NCAPH2: variants seen among roughly 807,000 people sequenced by gnomAD.
The protein encoded by NCAPH2 is non-SMC condensin II complex subunit H2.
Under a neutral mutation model 88.6 loss-of-function variants are expected in NCAPH2, and 56 were observed. That is an observed-to-expected ratio of 0.63 (90% CI 0.51 to 0.79). NCAPH2 has a LOEUF of 0.79. Among genes scored for constraint, NCAPH2 ranks in the 30% least tolerant of loss-of-function variants. The pLI is 0.00. For missense variants in NCAPH2, 794 were observed against 792.0 expected (o/e 1.00, Z -0.03); for synonymous variants, 378 against 313.6 (o/e 1.21, Z -2.17).
Position 50,517,878 on chromosome 22 carries a change from G to A in NCAPH2, c.420+69G>A, listed in dbSNP as rs1012913587. ...ACTTTCCCTGGGGCTGTGTTGAGCT[G>A]ATGGGGTGTGGGAAGGTGTCATTGC... On this transcript the variant is annotated intron_variant, in intron 5 of 19. Transcript: ENST00000420993. The A allele has an allele frequency of 1.9e-6, 3 of 1,604,808 alleles. No individual in the cohort carries two copies. The African/African-American group carries it at 4.0e-5, about 21-fold the overall frequency.
chr22:50,523,361 A>C lies in NCAPH2; in HGVS notation c.1804A>C (p.Met602Leu). Residue 602 changes from methionine to leucine, a missense_variant, in exon 20 of 20, where the codon ATG (methionine) becomes CTG (leucine). By Grantham distance (15) the Met-to-Leu change is conservative. Around this residue, in one of 2 missense-constraint regions of NCAPH2, gnomAD observed 735 missense variants for 696.3 expected, o/e 1.06. Coordinates refer to ENST00000420993, the MANE Select transcript of NCAPH2 (RefSeq NM_152299.4). The stretch of plus-strand genomic sequence containing the variant: ...CTTCCAGACCTACGCTGCCCCCTCC[A>C]TGGCCCAGCCCTGAGTGGGGAGCAC... ...KRFQTYAAPS[M>L]AQP 6.4e-7 allele frequency: 1 copy of C among 1,551,352 alleles called. No individual in the cohort carries two copies. The highest frequency in any genetic ancestry group is 8.7e-7 in the Non-Finnish European group (1 of 1,147,826).
Position 50,524,674 on chromosome 22 carries a change from T to A in NCAPH2, c.*1299T>A. ...CTGTCACCGCACCCTGCCCTGCACC[T>A]GCACCTCAGCAAGGTGAACCTCTTG... On this transcript the variant is annotated 3_prime_UTR_variant, in exon 20 of 20. Transcript: ENST00000420993. The A allele has an allele frequency of 2.9e-6, 2 of 678,642 alleles. No individual in the cohort carries two copies. The highest frequency in any genetic ancestry group is 2.1e-5 in the Admixed American group (1 of 48,754). The allele number at this position is 678,642 out of a possible 1,614,324, so 42.0% of individuals were successfully genotyped here.
intron 1 of NCAPH2, chr22:50,515,724 A>G (rs777596207): frequency 6.0e-6 from 6 of 999,250 alleles, no homozygotes; most frequent in South Asian, 1.5e-5. Flanking sequence ...TTAAAGTGTC[A>G]TTTGCTGAGA....
At position 50,523,707 on chromosome 22, in the gene NCAPH2, G is replaced by T. The variant is rs1322549244; in HGVS notation, c.*332G>T. On this transcript the variant is annotated 3_prime_UTR_variant, in exon 20 of 20. Coordinates refer to ENST00000420993, the MANE Select transcript of NCAPH2 (RefSeq NM_152299.4). ...TCCGGCCGTAGTAATCCGTGAAGAG[G>T]CCGTCAGGGTTGAGCAGGTAGATGG... is the stretch of plus-strand genomic sequence containing the variant. 1.2e-6 allele frequency: 2 copies of T among 1,614,204 alleles called. No homozygotes were observed. The highest frequency in any genetic ancestry group is 3.3e-5 in the Admixed American group (2 of 60,036).
intron 1 of NCAPH2, among the ~76,000 whole-genome samples, chr22:50,511,264 G>A (rs1428818267): frequency 6.9e-6 from 1 of 145,826 alleles, no homozygotes; most frequent in East Asian, 2.0e-4. Flanking sequence ...CTGGGTTCAA[G>A]CAGTTCTCCT....
At chr22:50,513,617 C>G (rs1479271370) in intron 1 of NCAPH2, among the ~76,000 whole-genome samples, 5 of 152,222 alleles carry the variant, frequency 3.3e-5, no homozygotes, top group Non-Finnish European at 7.3e-5. Context: ...AAAAAATTAG[C>G]CAGGTATGGT....
chr22:50,517,561 T>C lies in NCAPH2; in HGVS notation c.267-16T>C, dbSNP rs2068960368. The C allele has an allele frequency of 6.2e-7, 1 of 1,614,010 alleles. No individual in the cohort carries two copies. Among genetic ancestry groups the C allele is most frequent in the Non-Finnish European group, 8.5e-7 (1 of 1,179,996 alleles). On this transcript the variant is annotated splice_polypyrimidine_tract_variant and intron_variant, in intron 3 of 19. Coordinates refer to ENST00000420993, the MANE Select transcript of NCAPH2 (RefSeq NM_152299.4). ...TGCAGCTCCTGGGATGCCCACGGGATGTGCTTCTCTCTCAGGCGGGCCAAG... is the reference window on the plus strand; with the variant it reads ...TGCAGCTCCTGGGATGCCCACGGGACGTGCTTCTCTCTCAGGCGGGCCAAG...
rs1268800082 is a variant in NCAPH2, at chr22:50,519,426, C to T, written c.861+106C>T. 9.4e-6 allele frequency: 14 copies of T among 1,495,986 alleles called. No individual in the cohort carries two copies. In the East Asian group the frequency reaches 3.1e-4, roughly 33 times the overall value. The allele number at this position is 1,495,986 out of a possible 1,614,324, so 92.7% of individuals were successfully genotyped here. A position where few individuals can be genotyped will look rare whatever the true frequency, so the allele number is the denominator to read the frequency against. ...GAGGACAGTGGTATGGCCTTGGCCC[C>T]AGACCACTGGTCTGGGGCAGAAGCC... On this transcript the variant is annotated intron_variant, in intron 9 of 19. Transcript: ENST00000420993.
At chr22:50,518,105 T>C (rs1308166659) in intron 6 of NCAPH2, 28 bp from the exon 7 acceptor site, 2 of 1,613,760 alleles carry the variant, frequency 1.2e-6, no homozygotes, top group Non-Finnish European at 1.7e-6. Flanking sequence ...GAAGGGTCTC[T>C]ACAGCAGGCG....
chr22:50,523,746 C>A lies in NCAPH2; in HGVS notation c.*371C>A. ...GCAGGTAGATGGCAATGGAGTGGTC[C>A]ACGATGTAGTCCTGGTCCTCATCCT... On this transcript the variant is annotated 3_prime_UTR_variant, in exon 20 of 20. Coordinates refer to ENST00000420993, the MANE Select transcript of NCAPH2 (RefSeq NM_152299.4). 1 of 1,614,190 alleles carries A rather than the reference C, an allele frequency of 6.2e-7. No homozygotes were observed. The highest frequency in any genetic ancestry group is 8.5e-7 in the Non-Finnish European group (1 of 1,180,042).
chr22:50,521,758 C>G lies in NCAPH2; in HGVS notation c.1018C>G (p.Pro340Ala), dbSNP rs1193741109. The change falls in exon 12 of 20, where the codon CCC (proline) becomes GCC (alanine). Residue 340 changes from proline (P) to alanine (A), a missense_variant. Pro to Ala is a conservative substitution (Grantham distance 27). Coordinates refer to ENST00000420993, the MANE Select transcript of NCAPH2 (RefSeq NM_152299.4). ...PFKKGRPYSV[P>A]PCVEEALGQK... ...GCCCCCAGGTAGGCCTTACTCTGTGCCCCCCTGTGTGGAGGAGGCTCTGGG... is the reference window on the plus strand; with the variant it reads ...GCCCCCAGGTAGGCCTTACTCTGTGGCCCCCTGTGTGGAGGAGGCTCTGGG... The G allele has an allele frequency of 1.2e-6, 2 of 1,613,876 alleles. No individual in the cohort carries two copies. The highest frequency in any genetic ancestry group is 1.7e-5 in the Admixed American group (1 of 60,016).
In NCAPH2 at chr22:50,508,271, G is replaced by A; in HGVS notation, c.-67G>A. ...CAAAATGGCGCCAGAACTAGTGGCG[G>A]GCTGAGGACGCCGTACCCCTCGGAA... On this transcript the variant is annotated 5_prime_UTR_variant, in exon 1 of 20. Coordinates refer to ENST00000420993, the MANE Select transcript of NCAPH2 (RefSeq NM_152299.4). 5.0e-6 allele frequency: 6 copies of A among 1,203,030 alleles called. No homozygotes were observed. Among genetic ancestry groups the A allele is most frequent in the African/African-American group, 3.3e-5 (2 of 61,412 alleles). 74.5% of individuals were successfully genotyped at this position (1,203,030 alleles called of 1,614,324 possible). A position where few individuals can be genotyped will look rare whatever the true frequency, so the allele number is the denominator to read the frequency against.
chr22:50,519,913 C>A lies in NCAPH2; in HGVS notation c.861+593C>A, dbSNP rs544785139. ...TGAGATGGAGTTTTGCTCTGTCCCC[C>A]AGGCTGGAGTGCAGTGGTGCGATCT... On this transcript the variant is annotated intron_variant, in intron 9 of 19. Transcript: ENST00000420993. 2.5e-3 allele frequency among the ~76,000 whole-genome samples: 379 copies of A among 152,300 alleles called. 10 individuals are homozygous for A. The highest frequency in any genetic ancestry group is 0.024 in the Admixed American group (368 of 15,294).
At chr22:50,516,338 C>G in intron 1 of NCAPH2, 109 bp from the exon 2 acceptor site, 1 of 928,838 alleles carries the variant, frequency 1.1e-6, no homozygotes, top group Non-Finnish European at 1.7e-6. Context: ...CTAGAGCTGC[C>G]CGTCTCGGGA....
chr22:50,508,810 C>G (rs949827463), intron 1 of NCAPH2, among the ~76,000 whole-genome samples: 2 of 152,192 alleles, frequency 1.3e-5, no homozygotes, highest in Non-Finnish European at 2.9e-5. Context: ...ATCACGATGT[C>G]AGAGGAATTT....
In NCAPH2 at chr22:50,523,393, A is replaced by T. The variant is rs1476252082; in HGVS notation, c.*18A>T. 1.3e-6 allele frequency: 2 copies of T among 1,534,710 alleles called. No homozygotes were observed. The highest frequency in any genetic ancestry group is 4.9e-5 in the East Asian group (2 of 40,766). The stretch of plus-strand genomic sequence containing the variant: ...AGCCCTGAGTGGGGAGCACCGAGGC[A>T]GGGGTGGGGGAATGTGTACTGAGGA... On this transcript the variant is annotated 3_prime_UTR_variant, in exon 20 of 20. Transcript: ENST00000420993.
chr22:50,522,337 G>A lies in NCAPH2; in HGVS notation c.1234-6G>A. 1 of 1,604,222 alleles carries A rather than the reference G, an allele frequency of 6.2e-7. No homozygotes were observed. The highest frequency in any genetic ancestry group is 1.1e-5 in the South Asian group (1 of 89,510). ...AGTGCCCCTCACAGATGCTTTCTCT[G>A]GACAGGTGGCTGAGCAGTGGCTGCG... On this transcript the variant is annotated splice_region_variant and splice_polypyrimidine_tract_variant and intron_variant, in intron 14 of 19. Coordinates refer to ENST00000420993, the MANE Select transcript of NCAPH2 (RefSeq NM_152299.4).
At position 50,522,849 on chromosome 22, in the gene NCAPH2, T is replaced by C; in HGVS notation, c.1454T>C (p.Phe485Ser). ...CTCTTCATCGCCACCTCCCAGAAGT[T>C]TGTCCAGGAGACAGAGCTGAGCCAG... Reference protein sequence around the residue: ...VELFIATSQKFVQETELSQRI... With the variant: ...VELFIATSQKSVQETELSQRI... Residue 485 changes from phenylalanine (F) to serine (S), a missense_variant, in exon 18 of 20, where the codon TTT becomes TCT. Transcript: ENST00000420993. 6.2e-7 allele frequency: 1 copy of C among 1,613,492 alleles called. No homozygotes were observed. The highest frequency in any genetic ancestry group is 8.5e-7 in the Non-Finnish European group (1 of 1,179,978).
At chr22:50,512,703 C>T (rs916497648) in intron 1 of NCAPH2, among the ~76,000 whole-genome samples, 2 of 151,942 alleles carry the variant, frequency 1.3e-5, no homozygotes, top group African/African-American at 4.8e-5. Flanking sequence ...TGCCACCGCA[C>T]CTGGCTAATT....
Sources: gnomAD v4.1 joint callset for allele counts (sites outside exome capture counted in the v4.1 genomes callset) on GRCh38, gnomAD v4.1.1 for gene constraint, gnomAD v4.1.1 regional missense constraint, MANE v1.5 for transcripts, NCBI Gene and HGNC (gene_info 2026-07-23, HGNC 2026-07-21) for gene names.